The following UNC13C variants were observed in gnomAD, a reference collection of about 807,000 sequenced individuals.
UNC13C encodes protein unc-13 homolog C.
UNC13C carries 174 observed loss-of-function variants against 245.4 expected under a neutral mutation model. The observed-to-expected ratio is 0.71, with a 90% confidence interval of 0.63 to 0.80. The LOEUF (loss-of-function observed/expected upper bound fraction) is 0.80. Among genes scored for constraint, UNC13C ranks in the 30% least tolerant of loss-of-function variants. The pLI, the probability that UNC13C is intolerant of heterozygous loss-of-function variation, is 0.00. For synonymous variants in UNC13C, 992 were observed against 895.1 expected (o/e 1.11, Z -1.93); for missense variants, 2,829 against 2,602.9 (o/e 1.09, Z -1.89).
At chr15:53,897,334 C>T in the UNC13C span, among the ~76,000 whole-genome samples, 25 of 152,274 alleles carry the variant, frequency 1.6e-4, no homozygotes, top group African/African-American at 6.0e-4. Context: ...AGATTAAGAT[C>T]CAACCTCCTG....
chr15:54,467,646 A>G (rs1032506309), intron 19 of UNC13C, among the ~76,000 whole-genome samples: 3 of 151,640 alleles, frequency 2.0e-5, no homozygotes, highest in Non-Finnish European at 3.0e-5. Flanking sequence ...CTGCTCTCCC[A>G]TCAGCCTCTG....
chr15:54,218,936 A>G (rs1394975080), intron 4 of UNC13C, among the ~76,000 whole-genome samples: 2 of 148,998 alleles, frequency 1.3e-5, no homozygotes, highest in Non-Finnish European at 3.0e-5. Context: ...CCACTGCTCA[A>G]TGAAATAAAA....
chr15:54,463,019 C>A (rs1394773735), intron 19 of UNC13C, among the ~76,000 whole-genome samples: 1 of 151,844 alleles, frequency 6.6e-6, no homozygotes, highest in Non-Finnish European at 1.5e-5. Flanking sequence ...ATGCATCAAT[C>A]AGCACTCTGT....
At chr15:54,344,673 C>T (rs969398972) in intron 17 of UNC13C, among the ~76,000 whole-genome samples, 1 of 152,184 alleles carries the variant, frequency 6.6e-6, no homozygotes, top group Non-Finnish European at 1.5e-5. Flanking sequence ...CTTATCTCCC[C>T]TCAGTTGGCT....
the UNC13C span, among the ~76,000 whole-genome samples, chr15:53,937,393 C>T: frequency 6.6e-6 from 1 of 152,096 alleles, no homozygotes; most frequent in East Asian, 1.9e-4. Context: ...TGTAAAAAGA[C>T]TGAACCTATG....
At chr15:53,843,021 G>C in the UNC13C span, among the ~76,000 whole-genome samples, 127 of 151,846 alleles carry the variant, frequency 8.4e-4, no homozygotes, top group Middle Eastern at 3.4e-3. Flanking sequence ...CTCACAACTA[G>C]AATGGTCAAA....
At chr15:54,431,318 T>G (rs980707752) in intron 19 of UNC13C, among the ~76,000 whole-genome samples, 3 of 151,540 alleles carry the variant, frequency 2.0e-5, no homozygotes, top group African/African-American at 7.3e-5. Flanking sequence ...ATCACAAGCT[T>G]TTTTTTTCTG....
At chr15:54,012,111 T>G (rs1895406524) in intron 1 of UNC13C, among the ~76,000 whole-genome samples, 1 of 152,222 alleles carries the variant, frequency 6.6e-6, no homozygotes, top group Non-Finnish European at 1.5e-5. Context: ...TTTCTTTTTC[T>G]TCACATAATT....
At chr15:53,848,755 A>G in the UNC13C span, among the ~76,000 whole-genome samples, 1 of 152,142 alleles carries the variant, frequency 6.6e-6, no homozygotes, top group East Asian at 1.9e-4. Context: ...TGGTTTCAAC[A>G]TAATTATGGT....
chr15:54,463,985 C>A (rs1404659456), intron 19 of UNC13C, among the ~76,000 whole-genome samples: 1 of 152,022 alleles, frequency 6.6e-6, no homozygotes, highest in Non-Finnish European at 1.5e-5. Context: ...TTATTAAAAT[C>A]GCAACAAATG....
chr15:54,052,423 G>A (rs1402088374), intron 2 of UNC13C, among the ~76,000 whole-genome samples: 9 of 151,020 alleles, frequency 6.0e-5, no homozygotes, highest in African/African-American at 2.2e-4. Context: ...TCCAGCACCT[G>A]TTGTTTCCTG....
chr15:54,296,593 T>A (rs1282397937), intron 11 of UNC13C, among the ~76,000 whole-genome samples: 1 of 152,092 alleles, frequency 6.6e-6, no homozygotes, highest in Non-Finnish European at 1.5e-5. Context: ...ATCCTGGCAC[T>A]TAGAAGGGAA....
intron 4 of UNC13C, among the ~76,000 whole-genome samples, chr15:54,162,679 A>G (rs959621253): frequency 6.6e-6 from 1 of 152,206 alleles, no homozygotes; most frequent in Non-Finnish European, 1.5e-5. Flanking sequence ...AACTTTCTCC[A>G]TCTCCTTCCA....
chr15:53,839,249 C>A, the UNC13C span, among the ~76,000 whole-genome samples: 2 of 151,982 alleles, frequency 1.3e-5, no homozygotes, highest in Non-Finnish European at 2.9e-5. Context: ...CTGTAGGTTT[C>A]TAAAAACTGC....
At chr15:53,954,260 A>C in the UNC13C span, among the ~76,000 whole-genome samples, 3 of 152,220 alleles carry the variant, frequency 2.0e-5, no homozygotes, top group Admixed American at 6.5e-5. Context: ...ATAGTGACAC[A>C]ATGTTTTCTC....
At chr15:54,238,402 A>C (rs1449436792) in intron 7 of UNC13C, among the ~76,000 whole-genome samples, 1 of 152,184 alleles carries the variant, frequency 6.6e-6, no homozygotes, top group East Asian at 1.9e-4. Context: ...TAACCTCCAT[A>C]GGGTCATATG....
chr15:53,942,512 A>G, the UNC13C span, among the ~76,000 whole-genome samples: 1 of 151,814 alleles, frequency 6.6e-6, no homozygotes, highest in Non-Finnish European at 1.5e-5. Context: ...TTGTTTACCT[A>G]TGTAAAAAAC....
At chr15:54,622,452 C>T (rs749318105) in intron 31 of UNC13C, 33 bp downstream of exon 31, 17 of 1,467,478 alleles carry the variant, frequency 1.2e-5, no homozygotes, top group Non-Finnish European at 1.6e-5. Context: ...TCAAAACAGC[C>T]TTCTAAACTT....
intron 29 of UNC13C, among the ~76,000 whole-genome samples, chr15:54,560,167 T>C (rs913248374): frequency 3.9e-5 from 6 of 151,942 alleles, no homozygotes; most frequent in African/African-American, 1.4e-4. Flanking sequence ...TTGCCGAAAA[T>C]ATGATACAGG....
Sources: gnomAD v4.1 joint callset for allele counts (sites outside exome capture counted in the v4.1 genomes callset) on GRCh38, gnomAD v4.1.1 for gene constraint, MANE v1.5 for transcripts, NCBI Gene and HGNC (gene_info 2026-07-23, HGNC 2026-07-21) for gene names.